DOCK2: variants seen among roughly 807,000 people sequenced by gnomAD.
DOCK2 encodes the protein dedicator of cytokinesis protein 2.
In DOCK2, 87 loss-of-function variants were observed where a neutral mutation model predicts 248.9. The observed-to-expected ratio is 0.35, with a 90% confidence interval of 0.29 to 0.42. The LOEUF is 0.42. Among genes scored for constraint, DOCK2 ranks in the 10% least tolerant of loss-of-function variants. DOCK2 has a pLI of 1.00. For synonymous variants in DOCK2, 805 were observed against 821.6 expected, an observed-to-expected ratio of 0.98 and a Z score of 0.35; for missense variants, 1,747 against 2,300.2, an observed-to-expected ratio of 0.76 and a Z score of 4.92.
intron 26 of DOCK2, among the ~76,000 whole-genome samples, chr5:169,820,082 CGCCATA>C (rs1480158072): frequency 6.6e-6 from 1 of 152,182 alleles, no homozygotes; most frequent in African/African-American, 2.4e-5. Context: ...GAGGGGCGCC[CGCCATA>C]GCTGAGGCTT....
At chr5:169,849,881 C>T (rs1770529024) in intron 27 of DOCK2, among the ~76,000 whole-genome samples, 1 of 152,210 alleles carries the variant, frequency 6.6e-6, no homozygotes, top group African/African-American at 2.4e-5. Context: ...TAGCCACAAC[C>T]ACCTCTTACG....
intron 27 of DOCK2, among the ~76,000 whole-genome samples, chr5:169,894,661 C>T (rs1327777119): frequency 6.6e-6 from 1 of 152,176 alleles, no homozygotes; most frequent in African/African-American, 2.4e-5. Context: ...CATTAAAGAG[C>T]CCACTCTTCA....
chr5:169,726,655 T>C (rs1198905766), intron 22 of DOCK2, among the ~76,000 whole-genome samples: 1 of 152,232 alleles, frequency 6.6e-6, no homozygotes, highest in Non-Finnish European at 1.5e-5. Flanking sequence ...ACCTATTATG[T>C]GCTAGGCACT....
chr5:170,021,526 A>T (rs1755726424), intron 33 of DOCK2, among the ~76,000 whole-genome samples: 1 of 151,854 alleles, frequency 6.6e-6, no homozygotes, highest in Admixed American at 6.6e-5. Flanking sequence ...CTCTAGTGTG[A>T]TTTTCCTTCC....
rs78456600 is a variant in DOCK2, at chr5:169,852,380, C to T, written c.2799+11528C>T. ...AGAAACAGCGTATCTGCCATTTGGGCGTTGGCTGAGTACCTCCATCCCTGA... is the reference window on the plus strand; with the variant it reads ...AGAAACAGCGTATCTGCCATTTGGGTGTTGGCTGAGTACCTCCATCCCTGA... On this transcript the variant is annotated intron_variant, in intron 27 of 51. Coordinates refer to ENST00000520908, the MANE Select transcript of DOCK2 (RefSeq NM_004946.3). Among the ~76,000 whole-genome samples, 25 of 152,248 alleles carry T rather than the reference C, an allele frequency of 1.6e-4. 1 individual carries two copies. The highest frequency in any genetic ancestry group is 1.5e-3 in the East Asian group (8 of 5,182).
At chr5:169,798,139 A>G (rs1766761579) in intron 25 of DOCK2, among the ~76,000 whole-genome samples, 1 of 152,196 alleles carries the variant, frequency 6.6e-6, no homozygotes. Flanking sequence ...CAGCTCCCAC[A>G]GCCTCAGTAC....
chr5:169,973,840 C>T (rs1337404495), intron 27 of DOCK2, among the ~76,000 whole-genome samples: 3 of 152,146 alleles, frequency 2.0e-5, no homozygotes, highest in African/African-American at 7.2e-5. Flanking sequence ...ATCTAGCTAG[C>T]TTTATCCATA....
At chr5:169,726,471 A>G (rs1360521008) in intron 22 of DOCK2, among the ~76,000 whole-genome samples, 1 of 152,104 alleles carries the variant, frequency 6.6e-6, no homozygotes, top group Non-Finnish European at 1.5e-5. Context: ...GTTCACTCTG[A>G]TGGTAGTTTC....
At chr5:170,057,004 T>A in intron 43 of DOCK2, 1 of 501,936 alleles carries the variant, frequency 2.0e-6, no homozygotes, top group Non-Finnish European at 3.6e-6. Context: ...AGGCACTTTT[T>A]CAACCACAGG....
chr5:169,884,262 T>A, intron 27 of DOCK2: 1 of 174,238 alleles, frequency 5.7e-6, no homozygotes, highest in Non-Finnish European at 1.2e-5. Context: ...CTGGCTGTCT[T>A]GAACAAAAAG....
chr5:170,040,851 G>C (rs1304844122), intron 36 of DOCK2: 2 of 479,604 alleles, frequency 4.2e-6, no homozygotes, highest in Non-Finnish European at 7.1e-6. Flanking sequence ...ATTTAAAATA[G>C]TTAACTTAGT....
intron 36 of DOCK2, among the ~76,000 whole-genome samples, chr5:170,037,480 A>AT (rs370462327): frequency 0.36 from 48,495 of 134,150 alleles, 9,476 homozygotes; most frequent in East Asian, 0.53. Context: ...ACAAAAACAA[A>AT]TTTTTTTTTT....
intron 23 of DOCK2, among the ~76,000 whole-genome samples, chr5:169,757,273 C>T (rs901728369): frequency 6.6e-5 from 10 of 151,968 alleles, no homozygotes; most frequent in African/African-American, 2.4e-4. Flanking sequence ...GGTCCTTGAC[C>T]AACTAGGTTG....
intron 26 of DOCK2, among the ~76,000 whole-genome samples, chr5:169,833,668 A>T (rs1358707117): frequency 6.6e-6 from 1 of 152,168 alleles, no homozygotes; most frequent in Non-Finnish European, 1.5e-5. Flanking sequence ...GGCCTAGGAG[A>T]TGCCAGACGA....
intron 27 of DOCK2, among the ~76,000 whole-genome samples, chr5:169,934,077 T>C (rs529585977): frequency 6.6e-6 from 1 of 152,300 alleles, no homozygotes; most frequent in Admixed American, 6.5e-5. Flanking sequence ...GTGGTCACAT[T>C]TGTAGCACAC....
In DOCK2 at chr5:169,871,364, G is replaced by A. The variant is rs1206987528; in HGVS notation, c.2799+30512G>A. The stretch of plus-strand genomic sequence containing the variant: ...GGGCCACATTAGATTAGGATACATG[G>A]TAATTTAAATGGGCAAAAATAATAA... On this transcript the variant is annotated intron_variant, in intron 27 of 51. Transcript: ENST00000520908. Among the ~76,000 whole-genome samples, 3 of 152,116 alleles carry A rather than the reference G, an allele frequency of 2.0e-5. No homozygotes were observed. The East Asian group carries it at 5.8e-4, about 29-fold the overall frequency.
At chr5:170,047,394 G>A (rs1756752249) in intron 39 of DOCK2, 116 bp from the exon 40 acceptor site, 3 of 765,646 alleles carry the variant, frequency 3.9e-6, no homozygotes, top group Admixed American at 2.5e-5. Context: ...ATGTAAATAT[G>A]TGCACATGGC....
chr5:169,951,646 T>C (rs1171916368), intron 27 of DOCK2, among the ~76,000 whole-genome samples: 1 of 152,220 alleles, frequency 6.6e-6, no homozygotes, highest in African/African-American at 2.4e-5. Context: ...AGCATTATGA[T>C]GAGGGTCCAG....
intron 41 of DOCK2, among the ~76,000 whole-genome samples, chr5:170,052,757 A>G (rs1310351316): frequency 6.6e-6 from 1 of 152,190 alleles, no homozygotes; most frequent in Non-Finnish European, 1.5e-5. Context: ...TGTACTAGGC[A>G]TTTTACACGC....
Sources: allele counts gnomAD v4.1 joint callset (sites outside exome capture counted in the v4.1 genomes callset), GRCh38; gene constraint gnomAD v4.1.1; transcripts MANE v1.5; gene names NCBI Gene and HGNC (gene_info 2026-07-23, HGNC 2026-07-21).